The following TBC1D22A variants were observed in gnomAD, a reference collection of about 807,000 sequenced individuals.
The protein encoded by TBC1D22A is TBC1 domain family member 22A.
A neutral mutation model predicts 60.2 loss-of-function variants in TBC1D22A; 38 were observed. That is an observed-to-expected ratio of 0.63 (90% confidence interval 0.49 to 0.83). The LOEUF is 0.83. TBC1D22A is among the 40% of genes least tolerant of loss of function. TBC1D22A has a pLI of 0.00. For synonymous variants in TBC1D22A, 302 were observed against 281.7 expected (o/e 1.07, Z -0.72); for missense variants, 628 against 701.0 (o/e 0.90, Z 1.18).
chr22:47,060,655 C>T (rs914362208), intron 11 of TBC1D22A, among the ~76,000 whole-genome samples: 2 of 152,216 alleles, frequency 1.3e-5, no homozygotes, highest in Non-Finnish European at 2.9e-5. Flanking sequence ...TGGTCTTGAA[C>T]TCCTGACCTC....
chr22:47,154,153 TCTC>T (rs2067618415), intron 12 of TBC1D22A, among the ~76,000 whole-genome samples: 2 of 152,066 alleles, frequency 1.3e-5, no homozygotes, highest in Non-Finnish European at 2.9e-5. Flanking sequence ...GGCCATGACT[TCTC>T]CTTCCTGCTG....
At chr22:47,003,297 C>T (rs781277948) in intron 10 of TBC1D22A, among the ~76,000 whole-genome samples, 2 of 152,004 alleles carry the variant, frequency 1.3e-5, no homozygotes, top group Admixed American at 6.5e-5. Flanking sequence ...CAGGCTTGAG[C>T]TCTAGGTTAC....
chr22:47,173,065 G>A lies in TBC1D22A; in HGVS notation c.1426-433G>A, dbSNP rs535173298. 9.8e-5 allele frequency among the ~76,000 whole-genome samples: 15 copies of A among 152,348 alleles called. No homozygotes were observed. In the South Asian group the frequency reaches 1.0e-3, roughly 11 times the overall value. On this transcript the variant is annotated intron_variant, in intron 12 of 12. Coordinates refer to ENST00000337137, the MANE Select transcript of TBC1D22A (RefSeq NM_014346.5). ...TTGTGGGAGTGGGAAGCTCCTGGGC[G>A]GAGGCTGCAAAGCTGCAGCAGGGCC...
chr22:47,123,007 G>C (rs778589333), intron 12 of TBC1D22A, among the ~76,000 whole-genome samples: 2 of 152,216 alleles, frequency 1.3e-5, no homozygotes, highest in Non-Finnish European at 2.9e-5. Flanking sequence ...GAGAAGATGG[G>C]GTTTGCACAT....
chr22:46,795,759 G>T (rs1232172802), intron 3 of TBC1D22A, among the ~76,000 whole-genome samples: 1 of 152,158 alleles, frequency 6.6e-6, no homozygotes, highest in Non-Finnish European at 1.5e-5. Flanking sequence ...TGGACTTATG[G>T]GCTCTGCTCA....
At chr22:46,841,073 TGAGA>T (rs1555909324) in intron 4 of TBC1D22A, among the ~76,000 whole-genome samples, 1 of 148,566 alleles carries the variant, frequency 6.7e-6, no homozygotes, top group East Asian at 2.0e-4. Flanking sequence ...TGTGTGTGTG[TGAGA>T]GAGAGAGAGA....
chr22:46,953,559 T>C (rs542883586), intron 8 of TBC1D22A, among the ~76,000 whole-genome samples: 21 of 152,358 alleles, frequency 1.4e-4, no homozygotes, highest in African/African-American at 5.1e-4. Context: ...TGAAGAACTT[T>C]AACACTTTTT....
intron 10 of TBC1D22A, among the ~76,000 whole-genome samples, chr22:47,025,458 C>A (rs751543241): frequency 1.3e-5 from 2 of 152,188 alleles, no homozygotes; most frequent in African/African-American, 2.4e-5. Flanking sequence ...CCTGGGAAAT[C>A]CTCAAATATT....
chr22:46,796,191 C>T (rs1311025045), intron 3 of TBC1D22A, among the ~76,000 whole-genome samples: 1 of 152,122 alleles, frequency 6.6e-6, no homozygotes, highest in Non-Finnish European at 1.5e-5. Context: ...GGGGAGGAGA[C>T]AGGGCGGTAC....
intron 10 of TBC1D22A, among the ~76,000 whole-genome samples, chr22:47,033,421 G>A (rs1323265863): frequency 6.6e-6 from 1 of 152,160 alleles, no homozygotes; most frequent in East Asian, 1.9e-4. Flanking sequence ...TCCATCTTCC[G>A]GTTACCTGTT....
chr22:47,025,893 G>A (rs1411829488), intron 10 of TBC1D22A, among the ~76,000 whole-genome samples: 2 of 152,114 alleles, frequency 1.3e-5, no homozygotes, highest in Admixed American at 6.5e-5. Flanking sequence ...AGAGGGAAAC[G>A]TATAGTGCTG....
chr22:46,825,301 C>G (rs181613647), intron 4 of TBC1D22A, among the ~76,000 whole-genome samples: 46 of 152,278 alleles, frequency 3.0e-4, no homozygotes, highest in African/African-American at 1.1e-3. Context: ...GTGCCCATGC[C>G]TGTGCTGTGT....
chr22:46,827,259 G>A (rs1351261667), intron 4 of TBC1D22A, among the ~76,000 whole-genome samples: 5 of 152,210 alleles, frequency 3.3e-5, no homozygotes, highest in Non-Finnish European at 5.9e-5. Flanking sequence ...GTCACCACGC[G>A]ATGGTGTTGT....
At chr22:47,156,706 C>T (rs908599310) in intron 12 of TBC1D22A, among the ~76,000 whole-genome samples, 3 of 152,160 alleles carry the variant, frequency 2.0e-5, no homozygotes, top group African/African-American at 7.2e-5. Context: ...AGCACAGTCT[C>T]CCTCCCCGGG....
At chr22:46,902,496 C>G (rs768033707) in intron 7 of TBC1D22A, among the ~76,000 whole-genome samples, 2 of 152,240 alleles carry the variant, frequency 1.3e-5, no homozygotes, top group South Asian at 2.1e-4. Context: ...CTGTGTTGTC[C>G]TTAAACACAG....
At chr22:47,027,778 A>T (rs1332690920) in intron 10 of TBC1D22A, among the ~76,000 whole-genome samples, 1 of 152,246 alleles carries the variant, frequency 6.6e-6, no homozygotes, top group East Asian at 1.9e-4. Context: ...TTTTCAGATG[A>T]TACTATTAAT....
chr22:47,003,756 G>A lies in TBC1D22A; in HGVS notation c.1201+6047G>A, dbSNP rs568262062. On this transcript the variant is annotated intron_variant, in intron 10 of 12. Coordinates refer to ENST00000337137, the MANE Select transcript of TBC1D22A (RefSeq NM_014346.5). ...ACACACATGCCTGTACACACACACC[G>A]TACACACACATGCCTATACACACAC... Among the ~76,000 whole-genome samples, 504 of 30,896 alleles carry A rather than the reference G, an allele frequency of 0.016. 37 individuals are homozygous for A. The East Asian group carries it at 0.31, about 19-fold the overall frequency. 20.3% of individuals were successfully genotyped at this position (30,896 alleles called of 152,430 possible). A position where few individuals can be genotyped will look rare whatever the true frequency, so the allele number is the denominator to read the frequency against.
At chr22:46,822,541 C>T (rs940977757) in intron 4 of TBC1D22A, among the ~76,000 whole-genome samples, 5 of 152,014 alleles carry the variant, frequency 3.3e-5, no homozygotes, top group Non-Finnish European at 7.4e-5. Flanking sequence ...CACTTCAGGC[C>T]CTATTCAACT....
At chr22:46,904,769 A>C (rs2069331335) in intron 7 of TBC1D22A, among the ~76,000 whole-genome samples, 1 of 149,338 alleles carries the variant, frequency 6.7e-6, no homozygotes, top group South Asian at 2.1e-4. Flanking sequence ...CACCCGGCCG[A>C]GAAAATTTTT....
Sources: allele counts gnomAD v4.1 joint callset (sites outside exome capture counted in the v4.1 genomes callset), GRCh38; gene constraint gnomAD v4.1.1; transcripts MANE v1.5; gene names NCBI Gene and HGNC (gene_info 2026-07-23, HGNC 2026-07-21).